The following ADAMTS5 variants were observed in gnomAD, a reference collection of about 807,000 sequenced individuals.
ADAMTS5 encodes ADAM metallopeptidase with thrombospondin type 1 motif 5.
In ADAMTS5, 54 loss-of-function variants were observed where a neutral mutation model predicts 81.4. That is an observed-to-expected ratio of 0.66 (90% CI 0.53 to 0.83). The LOEUF (loss-of-function observed/expected upper bound fraction) is 0.83. ADAMTS5 is among the 40% of genes least tolerant of loss of function. The probability of loss-of-function intolerance (pLI) is 0.00; values close to 1 mark genes in which losing one functional copy is unlikely to be tolerated. For synonymous variants in ADAMTS5, 532 were observed against 508.8 expected (o/e 1.05, Z -0.61); for missense variants, 1,194 against 1,229.9 (o/e 0.97, Z 0.44).
chr21:26,938,683 A>T (rs1031498180), intron 3 of ADAMTS5, among the ~76,000 whole-genome samples: 2 of 152,098 alleles, frequency 1.3e-5, no homozygotes, highest in Non-Finnish European at 2.9e-5. Flanking sequence ...GCATGCGCCA[A>T]CATGCCCAAC....
chr21:26,950,666 CT>C (rs1170775987), intron 2 of ADAMTS5, among the ~76,000 whole-genome samples: 1 of 152,118 alleles, frequency 6.6e-6, no homozygotes, highest in Non-Finnish European at 1.5e-5. Flanking sequence ...AATCTAGCAG[CT>C]TTTTTGAAAG....
In ADAMTS5 at chr21:26,918,290, A is replaced by G. The variant is rs749363095; in HGVS notation, c.*5763T>C. On this transcript the variant is annotated 3_prime_UTR_variant, in exon 8 of 8. Transcript: ENST00000284987. ...ATAAGCAGCGTACATTTTACATCTT[A>G]TATACAGTATGTAAATCTTCAATGA... The G allele has an allele frequency of 2.0e-5, 3 of 152,452 alleles. No homozygotes were observed. Among genetic ancestry groups the G allele is most frequent in the Non-Finnish European group, 2.9e-5 (2 of 67,940 alleles). 9.4% of individuals were successfully genotyped at this position (152,452 alleles called of 1,614,324 possible).
At chr21:26,955,369 T>A (rs1987404811) in intron 1 of ADAMTS5, among the ~76,000 whole-genome samples, 1 of 152,198 alleles carries the variant, frequency 6.6e-6, no homozygotes, top group South Asian at 2.1e-4. Flanking sequence ...GGAAAGGTCA[T>A]CTTTTACTCC....
At chr21:26,926,534 A>C (rs1231328642) in intron 7 of ADAMTS5, among the ~76,000 whole-genome samples, 1 of 152,246 alleles carries the variant, frequency 6.6e-6, no homozygotes, top group Non-Finnish European at 1.5e-5. Flanking sequence ...GTAGCTGGGC[A>C]TGCTGGCCCG....
chr21:26,930,006 T>C lies in ADAMTS5; in HGVS notation c.2105A>G (p.Lys702Arg). 2 of 1,614,020 alleles carry C rather than the reference T, an allele frequency of 1.2e-6. No individual in the cohort carries two copies. Among genetic ancestry groups the C allele is most frequent in the Non-Finnish European group, 1.7e-6 (2 of 1,179,904 alleles). The part of the protein sequence containing the change: ...LYSNSVCVRG[K>R]CVRTGCDGII... ...GCCGTCACAGCCAGTTCTCACACAC[T>C]TCCCCCGGACGCAGACGGAATTACT... Residue 702 changes from lysine to arginine, a missense_variant, in exon 7 of 8, where the codon AAG becomes AGG. This residue lies in a region of ADAMTS5 where 696 missense variants were observed against 817.6 expected (regional missense o/e 0.85). Coordinates refer to ENST00000284987, the MANE Select transcript of ADAMTS5 (RefSeq NM_007038.5).
At chr21:26,925,658 T>C (rs189021229) in intron 7 of ADAMTS5, among the ~76,000 whole-genome samples, 17 of 152,368 alleles carry the variant, frequency 1.1e-4, no homozygotes, top group African/African-American at 4.1e-4. Flanking sequence ...ACAGGAATAC[T>C]ATTGGCTTGA....
Position 26,966,330 on chromosome 21 carries a change from C to T in ADAMTS5, c.62G>A (p.Gly21Asp), listed in dbSNP as rs201539059. 9.3e-6 allele frequency: 14 copies of T among 1,507,594 alleles called. No individual in the cohort carries two copies. In the East Asian group the frequency reaches 2.9e-4, roughly 31 times the overall value. 93.4% of individuals were successfully genotyped at this position (1,507,594 alleles called of 1,614,324 possible). ...ATCCTGGGCAGGTGTCGCGGCGGGGCCGACCGCGGCCAGGGGCAGGCGGAA... is the reference window on the plus strand; with the variant it reads ...ATCCTGGGCAGGTGTCGCGGCGGGGTCGACCGCGGCCAGGGGCAGGCGGAA... ...CAFRLPLAAVGPAATPAQDKA... is the reference protein window; with the variant it reads ...CAFRLPLAAVDPAATPAQDKA... The change falls in exon 1 of 8, where the codon GGC becomes GAC. Residue 21 changes from glycine (G) to aspartate (D), a missense_variant. Physicochemically the swap from Gly to Asp is moderately conservative, Grantham distance 94. Around this residue, in one of 2 missense-constraint regions of ADAMTS5, gnomAD observed 498 missense variants for 412.3 expected, o/e 1.21. Transcript: ENST00000284987.
intron 2 of ADAMTS5, among the ~76,000 whole-genome samples, chr21:26,948,345 G>T (rs1430645406): frequency 6.6e-6 from 1 of 152,160 alleles, no homozygotes; most frequent in Non-Finnish European, 1.5e-5. Context: ...ACTGACCAAT[G>T]GTCAAGGGGA....
Position 26,924,117 on chromosome 21 carries a change from G to C in ADAMTS5, c.2729C>G (p.Ala910Gly), listed in dbSNP as rs759468997. 2.5e-6 allele frequency: 4 copies of C among 1,612,316 alleles called. No homozygotes were observed. The highest frequency in any genetic ancestry group is 3.4e-6 in the Non-Finnish European group (4 of 1,178,552). The change falls in exon 8 of 8, where the codon GCA becomes GGA. Residue 910 changes from alanine (A) to glycine (G), a missense_variant. Around this residue, in one of 2 missense-constraint regions of ADAMTS5, gnomAD observed 696 missense variants for 817.6 expected, o/e 0.85. Transcript: ENST00000284987. ...CCTTTGGGAGAGAGGACATCCTTTT[G>C]CTAACTTCCGGTTTCCATCCTGGCA... Reference protein sequence around the residue: ...VQCQDGNRKLAKGCPLSQRPS... With the variant: ...VQCQDGNRKLGKGCPLSQRPS...
At position 26,933,857 on chromosome 21, in the gene ADAMTS5, C is replaced by T. The variant is rs190082675; in HGVS notation, c.1689+609G>A. On this transcript the variant is annotated intron_variant, in intron 4 of 7. Transcript: ENST00000284987. ...GCAATGGGCACAGGATAATTCTCTT[C>T]TAGGGACTTTGCAAATCTTGTGGGT... 3.1e-3 allele frequency among the ~76,000 whole-genome samples: 465 copies of T among 152,282 alleles called. 2 individuals carry two copies. Among genetic ancestry groups the T allele is most frequent in the Admixed American group, 7.1e-3 (109 of 15,300 alleles).
At chr21:26,938,359 A>T (rs1987053630) in intron 3 of ADAMTS5, among the ~76,000 whole-genome samples, 1 of 152,150 alleles carries the variant, frequency 6.6e-6, no homozygotes, top group African/African-American at 2.4e-5. Flanking sequence ...TAAAAAGTAA[A>T]ATGTTGTGAT....
rs183497396 is a variant in ADAMTS5 at position 26,946,405 on chromosome 21, T to C, written c.1238-2858A>G. Among the ~76,000 whole-genome samples the C allele has an allele frequency of 2.0e-5, 3 of 152,264 alleles. No homozygotes were observed. The East Asian group carries it at 5.8e-4, about 29-fold the overall frequency. On this transcript the variant is annotated intron_variant, in intron 2 of 7. Transcript: ENST00000284987. ...GACGGCACGCTATGATACCAAAAGC[T>C]AACTACCAGAGAAAATCCAGAATCC...
intron 1 of ADAMTS5, among the ~76,000 whole-genome samples, chr21:26,960,939 TC>T (rs775546826): frequency 1.6e-4 from 25 of 152,180 alleles, no homozygotes; most frequent in Non-Finnish European, 2.1e-4. Flanking sequence ...CTAATGCACT[TC>T]CATAATACCT....
In ADAMTS5 at chr21:26,934,476, T is replaced by G. The variant is rs1399005217; in HGVS notation, c.1679A>C (p.Lys560Thr). The G allele has an allele frequency of 3.7e-6, 6 of 1,614,178 alleles. No homozygotes were observed. Among genetic ancestry groups the G allele is most frequent in the Non-Finnish European group, 5.1e-6 (6 of 1,180,032 alleles). Reference protein sequence around the residue: ...QGKCVDKTKKKYYSTSSHGNW... With the variant: ...QGKCVDKTKKTYYSTSSHGNW... ...GAGAAAATCACTTACTGAATAATAT[T>G]TTTTCTTGGTTTTGTCCACACATTT... The change falls in exon 4 of 8, where the codon AAA becomes ACA. Residue 560 changes from lysine to threonine, a missense_variant. By Grantham distance (78) the Lys-to-Thr change is moderately conservative. Around this residue, in one of 2 missense-constraint regions of ADAMTS5, gnomAD observed 696 missense variants for 817.6 expected, o/e 0.85. Coordinates refer to ENST00000284987, the MANE Select transcript of ADAMTS5 (RefSeq NM_007038.5).
chr21:26,943,658 C>T (rs1380042188), intron 2 of ADAMTS5, 111 bp from the exon 3 acceptor site: 6 of 948,380 alleles, frequency 6.3e-6, no homozygotes, highest in Non-Finnish European at 7.7e-6. Flanking sequence ...GATGAGTTCA[C>T]TTTAACTGCT....
intron 7 of ADAMTS5, among the ~76,000 whole-genome samples, chr21:26,925,999 CCATGAAA>C (rs1325119872): frequency 3.3e-5 from 5 of 152,188 alleles, no homozygotes; most frequent in Non-Finnish European, 7.3e-5. Flanking sequence ...AATAAATAAT[CCATGAAA>C]CTATAGTGGC....
intron 3 of ADAMTS5, among the ~76,000 whole-genome samples, chr21:26,938,688 C>T (rs1300726710): frequency 6.6e-6 from 1 of 152,132 alleles, no homozygotes; most frequent in African/African-American, 2.4e-5. Context: ...CGCCAACATG[C>T]CCAACTGATT....
intron 3 of ADAMTS5, among the ~76,000 whole-genome samples, chr21:26,936,456 A>C (rs1332756213): frequency 6.6e-6 from 1 of 152,226 alleles, no homozygotes; most frequent in South Asian, 2.1e-4. Flanking sequence ...ATTCAACAAA[A>C]AAGTCATATT....
In ADAMTS5 at chr21:26,930,026, A is replaced by C. The variant is rs753705807; in HGVS notation, c.2085T>G (p.Asn695Lys). The change falls in exon 7 of 8, where the codon AAT (asparagine) becomes AAG (lysine). Residue 695 changes from asparagine to lysine, a missense_variant. By Grantham distance (94) the Asn-to-Lys change is moderately conservative. Coordinates refer to ENST00000284987, the MANE Select transcript of ADAMTS5 (RefSeq NM_007038.5). ...CACACTTCCCCCGGACGCAGACGGA[A>C]TTACTGTACAGCCTACATTCAGTGC... Reference protein sequence around the residue: ...TDGTECRLYSNSVCVRGKCVR... With the variant: ...TDGTECRLYSKSVCVRGKCVR... The C allele has an allele frequency of 7.4e-6, 12 of 1,613,868 alleles. No homozygotes were observed. In the African/African-American group the frequency reaches 1.5e-4, roughly 20 times the overall value.
Sources: allele counts gnomAD v4.1 joint callset (sites outside exome capture counted in the v4.1 genomes callset), GRCh38; gene constraint gnomAD v4.1.1; regional missense constraint gnomAD v4.1.1; transcripts MANE v1.5; gene names NCBI Gene and HGNC (gene_info 2026-07-23, HGNC 2026-07-21).